Variants in ST18 observed in about 807,000 individuals in gnomAD.
ST18 encodes ST18 C2H2C-type zinc finger transcription factor, also known as suppression of tumorigenicity 18 protein.
Under a neutral mutation model 110.0 loss-of-function variants are expected in ST18, and 50 were observed. The ratio of observed to expected loss-of-function variants is 0.45; its 90% CI spans 0.36 to 0.58. The LOEUF is 0.58. Among genes scored for constraint, ST18 ranks in the 20% least tolerant of loss-of-function variants. The pLI is 0.00. For synonymous variants in ST18, 461 were observed against 452.4 expected (o/e 1.02, Z -0.24); for missense variants, 1,306 against 1,280.1 (o/e 1.02, Z -0.31).
chr8:52,327,182 TA>T (rs1370216786), intron 2 of ST18, among the ~76,000 whole-genome samples: 1 of 152,222 alleles, frequency 6.6e-6, no homozygotes, highest in African/African-American at 2.4e-5. Context: ...CATGTACTCA[TA>T]AGGATCTCCA....
chr8:52,347,209 T>C (rs886575114), intron 2 of ST18, among the ~76,000 whole-genome samples: 6 of 152,156 alleles, frequency 3.9e-5, no homozygotes, highest in Non-Finnish European at 5.9e-5. Context: ...TAATAAATAA[T>C]ATAAATAGTA....
intron 9 of ST18, among the ~76,000 whole-genome samples, chr8:52,179,515 C>T (rs1335837168): frequency 3.5e-4 from 53 of 152,156 alleles, no homozygotes; most frequent in Non-Finnish European, 1.5e-5. Flanking sequence ...AGTCTGCCAA[C>T]TTGAGGTTGC....
In ST18 at chr8:52,174,764, G is replaced by A. The variant is rs1166205573; in HGVS notation, c.278-2181C>T. On this transcript the variant is annotated intron_variant, in intron 9 of 25. Coordinates refer to ENST00000689386, the MANE Select transcript of ST18 (RefSeq NM_001352837.2). ...CAGAAAAAGAGGAGCCCCACTGACA[G>A]AGGTGCCTGCACAGCACACGCGGGT... is the stretch of plus-strand genomic sequence containing the variant. 2.0e-5 allele frequency among the ~76,000 whole-genome samples: 3 copies of A among 152,178 alleles called. No individual in the cohort carries two copies. In the East Asian group the frequency reaches 5.8e-4, roughly 29 times the overall value.
chr8:52,258,375 C>T (rs2138583194), intron 2 of ST18, among the ~76,000 whole-genome samples: 1 of 152,278 alleles, frequency 6.6e-6, no homozygotes, highest in Non-Finnish European at 1.5e-5. Context: ...GGTAGTATTG[C>T]CATCTTGCAA....
chr8:52,175,727 C>T (rs2066660878), intron 9 of ST18, among the ~76,000 whole-genome samples: 1 of 152,180 alleles, frequency 6.6e-6, no homozygotes, highest in Non-Finnish European at 1.5e-5. Context: ...CTCCAGTTCA[C>T]AGAAGGGAAA....
At chr8:52,276,276 C>T (rs887296859) in intron 2 of ST18, among the ~76,000 whole-genome samples, 17 of 104,970 alleles carry the variant, frequency 1.6e-4, no homozygotes, top group African/African-American at 5.8e-4. Context: ...CCACGTACCA[C>T]ATACACACAT....
intron 8 of ST18, among the ~76,000 whole-genome samples, chr8:52,204,972 G>A (rs1326513125): frequency 1.3e-5 from 2 of 151,768 alleles, no homozygotes; most frequent in African/African-American, 4.8e-5. Context: ...TTAACTCTAC[G>A]GACATTTATT....
At chr8:52,128,319 G>A (rs572831674) in intron 22 of ST18, among the ~76,000 whole-genome samples, 1 of 152,274 alleles carries the variant, frequency 6.6e-6, no homozygotes, top group Admixed American at 6.5e-5. Flanking sequence ...AATGGCAGGT[G>A]ATACAATGTA....
At chr8:52,325,281 G>C (rs4394413) in intron 2 of ST18, among the ~76,000 whole-genome samples, 28,724 of 152,090 alleles carry the variant, frequency 0.19, 3,420 homozygotes, top group African/African-American at 0.34. Flanking sequence ...GTAGCTCCAA[G>C]TCTGGGTACC....
At chr8:52,321,826 C>T (rs1320032753) in intron 2 of ST18, among the ~76,000 whole-genome samples, 2 of 152,178 alleles carry the variant, frequency 1.3e-5, no homozygotes, top group African/African-American at 4.8e-5. Flanking sequence ...AGGTCCTCAT[C>T]CTGATGCCTT....
In ST18 at chr8:52,132,119, G is replaced by A. The variant is rs768915116; in HGVS notation, c.2505C>T (p.Arg835=). 6.2e-7 allele frequency: 1 copy of A among 1,614,082 alleles called. No homozygotes were observed. Among genetic ancestry groups the A allele is most frequent in the South Asian group, 1.1e-5 (1 of 91,078 alleles). The change falls in exon 22 of 26, where the codon CGC becomes CGT. Residue 835 remains arginine, a synonymous_variant. Coordinates refer to ENST00000689386, the MANE Select transcript of ST18 (RefSeq NM_001352837.2). ...CAGCCAGAGGACAGCCAGAAGCTGT[G>A]CGGTGTGATGTGTATTTACCTGATA... ...GHISGKYTSH[R]TASGCPLAAK...
rs138245266 is a variant in ST18, at chr8:52,192,249, C to T, written c.87-11937G>A. Among the ~76,000 whole-genome samples the T allele has an allele frequency of 3.5e-3, 526 of 152,290 alleles. 3 individuals are homozygous for T. The highest frequency in any genetic ancestry group is 0.024 in the Middle Eastern group (7 of 294). On this transcript the variant is annotated intron_variant, in intron 8 of 25. Transcript: ENST00000689386. ...TGGCACCATTCCTGGAAGAAACCAA[C>T]CAACCACTGGACCTTTCCACTGTAG...
chr8:52,231,633 A>G (rs1469848030), intron 2 of ST18, among the ~76,000 whole-genome samples: 1 of 152,162 alleles, frequency 6.6e-6, no homozygotes, highest in African/African-American at 2.4e-5. Context: ...CAGGCCACCA[A>G]GCCCAGTGAA....
chr8:52,168,676 A>G (rs889260071), intron 10 of ST18, among the ~76,000 whole-genome samples: 1 of 152,150 alleles, frequency 6.6e-6, no homozygotes, highest in Admixed American at 6.5e-5. Flanking sequence ...AGGCATTTAC[A>G]TTAGGAAAGA....
intron 2 of ST18, among the ~76,000 whole-genome samples, chr8:52,344,708 G>T (rs1254816100): frequency 6.6e-6 from 1 of 152,116 alleles, no homozygotes; most frequent in African/African-American, 2.4e-5. Flanking sequence ...GCCAATAACT[G>T]CCATTTCTAA....
intron 16 of ST18, among the ~76,000 whole-genome samples, chr8:52,145,462 C>T (rs1290035294): frequency 6.6e-6 from 1 of 152,116 alleles, no homozygotes. Flanking sequence ...CTTTGCTCAA[C>T]ATTCTACCCT....
Position 52,166,896 on chromosome 8 carries a change from C to T in ST18, c.1160G>A (p.Arg387His), listed in dbSNP as rs760960889. The change falls in exon 11 of 26, where the codon CGC (arginine) becomes CAC (histidine). Residue 387 changes from arginine to histidine, a missense_variant. Arg to His is a conservative substitution (Grantham distance 29). Coordinates refer to ENST00000689386, the MANE Select transcript of ST18 (RefSeq NM_001352837.2). ...GHVTGLYPHH[R>H]SLSGCPHKVR... ...TTTGTGGGGGCACCCCGAAAGGCTG[C>T]GGTGGTGCGGGTAGAGCCCTGTCAC... 19 of 1,607,104 alleles carry T rather than the reference C, an allele frequency of 1.2e-5. No homozygotes were observed. Among genetic ancestry groups the T allele is most frequent in the African/African-American group, 2.7e-5 (2 of 74,846 alleles).
chr8:52,347,534 A>G (rs1818316003), intron 2 of ST18, among the ~76,000 whole-genome samples: 1 of 152,194 alleles, frequency 6.6e-6, no homozygotes, highest in Non-Finnish European at 1.5e-5. Flanking sequence ...GGATGAAGAG[A>G]GAGGAGAGAG....
intron 2 of ST18, among the ~76,000 whole-genome samples, chr8:52,310,375 T>A (rs1213333914): frequency 1.4e-5 from 2 of 139,120 alleles, no homozygotes; most frequent in Non-Finnish European, 3.2e-5. Context: ...GAGCACTGTG[T>A]AACTACTGTG....
Sources: gnomAD v4.1 joint callset for allele counts (sites outside exome capture counted in the v4.1 genomes callset) on GRCh38, gnomAD v4.1.1 for gene constraint, MANE v1.5 for transcripts, NCBI Gene and HGNC (gene_info 2026-07-23, HGNC 2026-07-21) for gene names.